Variants in MOXD1 observed in about 807,000 individuals in gnomAD.
The protein encoded by MOXD1 is monooxygenase DBH like 1.
Under a neutral mutation model 66.6 loss-of-function variants are expected in MOXD1, and 62 were observed. The observed-to-expected ratio is 0.93, with a 90% CI of 0.76 to 1.15. MOXD1 has a LOEUF of 1.15. Ranked by LOEUF, MOXD1 falls within the 50% of genes most tolerant of loss-of-function variation. MOXD1 has a pLI of 0.00. For synonymous variants in MOXD1, 303 were observed against 281.9 expected (o/e 1.07, Z -0.75); for missense variants, 847 against 754.6 (o/e 1.12, Z -1.44).
chr6:132,397,596 C>G (rs1009817214), intron 1 of MOXD1, among the ~76,000 whole-genome samples: 3 of 143,918 alleles, frequency 2.1e-5, no homozygotes, highest in African/African-American at 5.5e-5. Flanking sequence ...TATTTAAACA[C>G]ACACACACAC....
intron 4 of MOXD1, among the ~76,000 whole-genome samples, chr6:132,330,901 T>C (rs914146057): frequency 6.6e-6 from 1 of 152,244 alleles, no homozygotes; most frequent in Non-Finnish European, 1.5e-5. Context: ...AGTTTTCTTC[T>C]GTGTTACATA....
intron 1 of MOXD1, among the ~76,000 whole-genome samples, chr6:132,389,536 C>T (rs1194497946): frequency 1.3e-5 from 2 of 151,638 alleles, no homozygotes; most frequent in East Asian, 3.9e-4. Flanking sequence ...ATATTAATGC[C>T]TGTGTCCACC....
intron 1 of MOXD1, among the ~76,000 whole-genome samples, chr6:132,375,807 T>C (rs1160483656): frequency 1.3e-5 from 2 of 152,190 alleles, no homozygotes; most frequent in African/African-American, 4.8e-5. Flanking sequence ...GACTCCCAGC[T>C]GTACTCCTAA....
At chr6:132,385,730 G>A (rs1401241139) in intron 1 of MOXD1, among the ~76,000 whole-genome samples, 1 of 151,884 alleles carries the variant, frequency 6.6e-6, no homozygotes, top group African/African-American at 2.4e-5. Context: ...GACCTCAAGC[G>A]ATCTGCCTGC....
At chr6:132,327,824 C>T (rs538554546) in intron 6 of MOXD1, among the ~76,000 whole-genome samples, 189 bp downstream of exon 6, 1 of 152,176 alleles carries the variant, frequency 6.6e-6, no homozygotes, top group East Asian at 1.9e-4. Context: ...CTGGTTAATG[C>T]CTGCTGTTAC....
chr6:132,357,315 A>C (rs1281960689), intron 4 of MOXD1, among the ~76,000 whole-genome samples: 1 of 152,140 alleles, frequency 6.6e-6, no homozygotes, highest in African/African-American at 2.4e-5. Context: ...AATATTACTC[A>C]GAGTACTGAC....
chr6:132,381,414 A>G (rs1776505942), intron 1 of MOXD1, among the ~76,000 whole-genome samples: 1 of 152,202 alleles, frequency 6.6e-6, no homozygotes, highest in African/African-American at 2.4e-5. Flanking sequence ...ATATTGGCCA[A>G]TCTTAAAAGC....
In MOXD1 at chr6:132,297,246, C is replaced by G. The variant is rs146840521; in HGVS notation, c.1749G>C (p.Thr583=). ...CTCTGTGCAGGGAAGAGGAAGAAGA[C>G]GTGCCACACACCAAAGGTTCTGCTT... ...PYKAEPLVCG[T]SSSSSLHRDF... is the part of the protein sequence containing the mutation. Residue 583 remains threonine (T), a synonymous_variant, in exon 12 of 12, where the codon ACG becomes ACC. Coordinates refer to ENST00000367963, the MANE Select transcript of MOXD1 (RefSeq NM_015529.4). 2 of 1,613,498 alleles carry G rather than the reference C, an allele frequency of 1.2e-6. No homozygotes were observed. Among genetic ancestry groups the G allele is most frequent in the African/African-American group, 2.7e-5 (2 of 74,892 alleles).
intron 9 of MOXD1, among the ~76,000 whole-genome samples, chr6:132,319,232 G>A (rs1775023760): frequency 6.6e-6 from 1 of 151,884 alleles, no homozygotes; most frequent in African/African-American, 2.4e-5. Context: ...GAAAATATTT[G>A]CAGCCTTGGT....
chr6:132,390,914 A>G (rs1452134761), intron 1 of MOXD1: 2 of 151,594 alleles, frequency 1.3e-5, no homozygotes, highest in African/African-American at 4.8e-5. Context: ...ATTTCATTTT[A>G]TCAATTTGTT....
chr6:132,328,291 G>A, intron 5 of MOXD1, 124 bp downstream of exon 5: 2 of 1,337,270 alleles, frequency 1.5e-6, no homozygotes, highest in East Asian at 2.5e-5. Flanking sequence ...CGAAAATGGA[G>A]TTAAGCCACC....
rs1440159307 is a variant in MOXD1 at position 132,327,982 on chromosome 6, C to A, written c.946+31G>T. On this transcript the variant is annotated intron_variant, in intron 6 of 11. Transcript: ENST00000367963. ...AAGGTACAAAACTTTTTATAAAAATCATAGGTAAAACATATGAATAATAAA... is the reference window on the plus strand; with the variant it reads ...AAGGTACAAAACTTTTTATAAAAATAATAGGTAAAACATATGAATAATAAA... 9 of 1,559,966 alleles carry A rather than the reference C, an allele frequency of 5.8e-6. No individual in the cohort carries two copies. The Admixed American group carries it at 1.6e-4, about 27-fold the overall frequency.
intron 10 of MOXD1, among the ~76,000 whole-genome samples, chr6:132,301,942 G>A (rs1378126780): frequency 1.3e-5 from 2 of 151,872 alleles, no homozygotes; most frequent in East Asian, 3.9e-4. Flanking sequence ...CCAGAATGCA[G>A]GAAAGGGAAT....
intron 1 of MOXD1, among the ~76,000 whole-genome samples, chr6:132,399,153 A>G (rs1776964674): frequency 6.6e-6 from 1 of 152,108 alleles, no homozygotes. Flanking sequence ...CATCTTATTA[A>G]ACAGATTTTA....
At chr6:132,301,476 T>C (rs1774535307) in intron 10 of MOXD1, among the ~76,000 whole-genome samples, 1 of 152,118 alleles carries the variant, frequency 6.6e-6, no homozygotes, top group Admixed American at 6.6e-5. Flanking sequence ...CTGTTCTATA[T>C]AAATTGAAAA....
At chr6:132,390,678 C>A (rs1245343436) in intron 1 of MOXD1, 1 of 151,482 alleles carries the variant, frequency 6.6e-6, no homozygotes, top group Admixed American at 6.6e-5. Flanking sequence ...CAGCCACAGA[C>A]AATTTCCATG....
chr6:132,359,188 C>A (rs1775964468), intron 4 of MOXD1, among the ~76,000 whole-genome samples: 1 of 150,828 alleles, frequency 6.6e-6, no homozygotes, highest in Non-Finnish European at 1.5e-5. Context: ...GGTGAGAAAA[C>A]GGCTCACTGC....
chr6:132,321,811 C>T (rs542546018), intron 8 of MOXD1, among the ~76,000 whole-genome samples: 4 of 152,266 alleles, frequency 2.6e-5, no homozygotes, highest in South Asian at 2.1e-4. Context: ...TTCTACTCTC[C>T]GGATGTATCA....
chr6:132,384,624 A>T (rs1776588470), intron 1 of MOXD1, among the ~76,000 whole-genome samples: 1 of 152,250 alleles, frequency 6.6e-6, no homozygotes, highest in Non-Finnish European at 1.5e-5. Flanking sequence ...TTAGGCTAAG[A>T]AGTAAACCAC....
Sources: allele counts gnomAD v4.1 joint callset (sites outside exome capture counted in the v4.1 genomes callset), GRCh38; gene constraint gnomAD v4.1.1; transcripts MANE v1.5; gene names NCBI Gene and HGNC (gene_info 2026-07-23, HGNC 2026-07-21).